Variants in ZNF346 observed in about 807,000 individuals in gnomAD.
ZNF346 encodes the protein zinc finger protein 346.
In ZNF346, 23 loss-of-function variants were observed where a neutral mutation model predicts 33.7. That is an observed-to-expected ratio of 0.68 (90% CI 0.49 to 0.97). The LOEUF (loss-of-function observed/expected upper bound fraction) is 0.97. Among genes scored for constraint, ZNF346 ranks in the 50% least tolerant of loss-of-function variants. The pLI is 0.00. For missense variants in ZNF346, 340 were observed against 371.1 expected (o/e 0.92, Z 0.69); for synonymous variants, 134 against 142.4 (o/e 0.94, Z 0.42).
At chr5:177,026,125 G>A (rs1480645911) in intron 1 of ZNF346, among the ~76,000 whole-genome samples, 2 of 151,512 alleles carry the variant, frequency 1.3e-5, no homozygotes, top group Non-Finnish European at 1.5e-5. Context: ...CTGCCTCAGC[G>A]TCCCGAGTAG....
rs756189984 is a variant in ZNF346 at position 177,077,379 on chromosome 5, GA to G, written c.*3-1997del. ...GGTTTAAGAAAAAGGATTAGCCGAA[GA>G]AAAAATTATTTGGTTCACATAGTGA... On this transcript the variant is annotated intron_variant, in intron 8 of 8. Coordinates refer to the ZNF346 transcript ENST00000503039. The surrounding 1 kb of genome is among the most constrained non-coding windows in gnomAD (Gnocchi z 5.0). Among the ~76,000 whole-genome samples the G allele has an allele frequency of 1.2e-4, 18 of 152,168 alleles. No homozygotes were observed. The highest frequency in any genetic ancestry group is 2.2e-4 in the Non-Finnish European group (15 of 68,014).
At chr5:177,049,700 C>A (rs1780597351) in intron 4 of ZNF346, among the ~76,000 whole-genome samples, 1 of 152,214 alleles carries the variant, frequency 6.6e-6, no homozygotes, top group East Asian at 1.9e-4. Context: ...TGGCTTCACT[C>A]ACTGGCTGGG....
downstream of ZNF346, among the ~76,000 whole-genome samples, chr5:177,070,709 CG>C (rs1783460871): frequency 6.6e-6 from 1 of 152,114 alleles, no homozygotes. Flanking sequence ...CCCCCTGGAG[CG>C]GGGGTAAGGC....
chr5:177,038,875 CTTGTGTGT>C (rs1561984085), intron 1 of ZNF346, among the ~76,000 whole-genome samples: 1 of 89,110 alleles, frequency 1.1e-5, no homozygotes, highest in Non-Finnish European at 2.0e-5. Context: ...TCTTCTTCTT[CTTGTGTGT>C]GTGTGTGTGT....
At chr5:177,023,273 C>T in intron 1 of ZNF346, 1 of 1,371,424 alleles carries the variant, frequency 7.3e-7, no homozygotes, top group East Asian at 2.5e-5. Context: ...TCCTTGACTC[C>T]CCATCGTCCC....
At chr5:177,038,375 G>A (rs1347120292) in intron 1 of ZNF346, among the ~76,000 whole-genome samples, 1 of 150,802 alleles carries the variant, frequency 6.6e-6, no homozygotes. Flanking sequence ...AGCCTGTTGA[G>A]TTTCTGGGAT....
rs1322234632 is a variant in ZNF346 at position 177,077,375 on chromosome 5, C to T, written c.*3-2007C>T. Among the ~76,000 whole-genome samples, 1 of 151,950 alleles carries T rather than the reference C, an allele frequency of 6.6e-6. No homozygotes were observed. The highest frequency in any genetic ancestry group is 1.5e-5 in the Non-Finnish European group (1 of 67,994). On this transcript the variant is annotated intron_variant, in intron 8 of 8. Transcript: ENST00000503039. This position sits in a 1 kb window ranked among gnomAD's most constrained non-coding sequence, Gnocchi z 5.0. The stretch of plus-strand genomic sequence containing the variant: ...AAAGGGTTTAAGAAAAAGGATTAGC[C>T]GAAGAAAAAATTATTTGGTTCACAT...
At chr5:177,023,006 GC>G in intron 1 of ZNF346, 93 bp downstream of exon 1, 1 of 1,441,450 alleles carries the variant, frequency 6.9e-7, no homozygotes, top group South Asian at 1.4e-5. Context: ...CCCCTGGCCC[GC>G]CTCCTTGCGT....
At position 177,077,337 on chromosome 5, in the gene ZNF346, G is replaced by T. The variant is rs1025985258; in HGVS notation, c.*3-2045G>T. ...AGGAAGGGTGTTCTACTGAGAAGGA[G>T]CCTTTTATTTATAAAGGGTTTAAGA... On this transcript the variant is annotated intron_variant, in intron 8 of 8. Transcript: ENST00000503039. This position sits in a 1 kb window ranked among gnomAD's most constrained non-coding sequence, Gnocchi z 5.0. Among the ~76,000 whole-genome samples the T allele has an allele frequency of 5.3e-5, 8 of 152,202 alleles. No homozygotes were observed. The highest frequency in any genetic ancestry group is 1.7e-4 in the African/African-American group (7 of 41,452).
rs6893089 is a variant in ZNF346 at position 177,066,682 on chromosome 5, G to A, written c.*2083G>A. On this transcript the variant is annotated 3_prime_UTR_variant, in exon 7 of 7. Transcript: ENST00000358149. ...CAGGAGTTCCAGCCTGAAGTATGCT[G>A]TGATCATGCCTGTGAATAACCACTG... Among the ~76,000 whole-genome samples the A allele has an allele frequency of 0.13, 19,582 of 151,612 alleles. 2,957 individuals are homozygous for A. The highest frequency in any genetic ancestry group is 0.37 in the African/African-American group (15,100 of 41,240).
At chr5:177,072,899 T>G (rs1252940003), downstream of ZNF346, among the ~76,000 whole-genome samples, 1 of 152,254 alleles carries the variant, frequency 6.6e-6, no homozygotes, top group Admixed American at 6.5e-5. Context: ...TTTTTAGTTA[T>G]GACTTTTCTT....
chr5:177,079,834 G>A (rs1385421024), exon 9 of ZNF346: 1 of 152,410 alleles, frequency 6.6e-6, no homozygotes, highest in African/African-American at 2.4e-5. Context: ...ACACCCGGTG[G>A]GTGTGAGGCT....
At chr5:177,023,487 C>T (rs773873569) in intron 1 of ZNF346, among the ~76,000 whole-genome samples, 1 of 152,202 alleles carries the variant, frequency 6.6e-6, no homozygotes, top group Non-Finnish European at 1.5e-5. Flanking sequence ...AGAAACTGGT[C>T]TGGGTTTGCT....
At chr5:177,031,998 CTTTTTTTTTTTTTTT>C (rs34021834) in intron 1 of ZNF346, among the ~76,000 whole-genome samples, 1 of 67,838 alleles carries the variant, frequency 1.5e-5, no homozygotes, top group East Asian at 6.1e-4. Flanking sequence ...TTTCTTTTTT[CTTTTTTTTTTTTTTT>C]TTTTTTTTTT....
At chr5:177,024,912 C>CT (rs1397688210) in intron 1 of ZNF346, among the ~76,000 whole-genome samples, 4 of 152,198 alleles carry the variant, frequency 2.6e-5, no homozygotes, top group Non-Finnish European at 4.4e-5. Context: ...AGGTAGACAC[C>CT]TACAACATTA....
intron 5 of ZNF346, among the ~76,000 whole-genome samples, chr5:177,060,258 C>T (rs1456511841): frequency 6.6e-6 from 1 of 152,246 alleles, no homozygotes; most frequent in Non-Finnish European, 1.5e-5. Flanking sequence ...CACGGCGGCT[C>T]ACGCCTATAA....
intron 1 of ZNF346, among the ~76,000 whole-genome samples, chr5:177,026,891 G>A (rs539918582): frequency 6.6e-6 from 1 of 152,288 alleles, no homozygotes; most frequent in East Asian, 1.9e-4. Flanking sequence ...ATAGCGTCAG[G>A]TAGGGCATTA....
intron 1 of ZNF346, among the ~76,000 whole-genome samples, chr5:177,034,814 C>T (rs764839706): frequency 1.9e-4 from 29 of 152,190 alleles, no homozygotes; most frequent in South Asian, 4.1e-4. Flanking sequence ...ATCAGTTTTC[C>T]AGCATCCGTT....
At chr5:177,031,227 T>A (rs1257888963) in intron 1 of ZNF346, among the ~76,000 whole-genome samples, 11 of 152,038 alleles carry the variant, frequency 7.2e-5, no homozygotes, top group African/African-American at 2.7e-4. Context: ...AGAGACAGGG[T>A]TTCTCCATGT....
Sources: gnomAD v4.1 joint callset for allele counts (sites outside exome capture counted in the v4.1 genomes callset) on GRCh38, gnomAD v4.1.1 for gene constraint, Gnocchi (gnomAD v3.1) non-coding constraint, MANE v1.5 for transcripts, NCBI Gene and HGNC (gene_info 2026-07-23, HGNC 2026-07-21) for gene names.